The following LRRC4C variants were observed in gnomAD, a reference collection of about 807,000 sequenced individuals.
The protein encoded by LRRC4C is leucine rich repeat containing 4C, also known as leucine-rich repeat-containing protein 4C.
A neutral mutation model predicts 33.6 loss-of-function variants in LRRC4C; 5 were observed. That is an observed-to-expected ratio of 0.15 (90% CI 0.08 to 0.31). The LOEUF (loss-of-function observed/expected upper bound fraction) is 0.31, where lower values mean the gene tolerates loss of function less well. Among genes scored for constraint, LRRC4C ranks in the 10% least tolerant of loss-of-function variants. LRRC4C has a pLI of 1.00. For missense variants in LRRC4C, 560 were observed against 796.7 expected (o/e 0.70, Z 3.58); for synonymous variants, 329 against 302.0 (o/e 1.09, Z -0.93).
intron 3 of LRRC4C, among the ~76,000 whole-genome samples, chr11:40,413,177 T>A (rs1307281177): frequency 1.3e-5 from 2 of 152,062 alleles, no homozygotes; most frequent in Non-Finnish European, 2.9e-5. Flanking sequence ...GTTCATCAAG[T>A]GCTAAGCTGG....
intron 3 of LRRC4C, among the ~76,000 whole-genome samples, chr11:40,505,730 T>A (rs1955000767): frequency 6.6e-6 from 1 of 152,170 alleles, no homozygotes; most frequent in South Asian, 2.1e-4. Context: ...CTTTACTAGG[T>A]TTGGAGTAAG....
intron 2 of LRRC4C, among the ~76,000 whole-genome samples, chr11:40,754,163 T>C (rs1948829075): frequency 6.6e-6 from 1 of 152,076 alleles, no homozygotes; most frequent in African/African-American, 2.4e-5. Context: ...ATAATTTATG[T>C]ATTTTTCTCT....
intron 2 of LRRC4C, among the ~76,000 whole-genome samples, chr11:40,793,967 A>T (rs1384778394): frequency 6.6e-6 from 1 of 152,150 alleles, no homozygotes. Context: ...TTTCTCTATT[A>T]TCTTCATATA....
chr11:40,547,212 A>G (rs1262445041), intron 3 of LRRC4C, among the ~76,000 whole-genome samples: 2 of 152,112 alleles, frequency 1.3e-5, no homozygotes, highest in East Asian at 3.9e-4. Context: ...AACTGATGTT[A>G]TTTTGTCACT....
At position 40,131,251 on chromosome 11, in the gene LRRC4C, A is replaced by T. The variant is rs533361787; in HGVS notation, c.-43+9550T>A. 1.0e-3 allele frequency among the ~76,000 whole-genome samples: 155 copies of T among 152,312 alleles called. 1 individual carries two copies. The highest frequency in any genetic ancestry group is 3.5e-3 in the African/African-American group (146 of 41,570). ...TAAGACTTATATGTGAACCAAAAAGATAGAAAAGGTATAAAACTTAGTTTA... is the reference window on the plus strand; with the variant it reads ...TAAGACTTATATGTGAACCAAAAAGTTAGAAAAGGTATAAAACTTAGTTTA... On this transcript the variant is annotated intron_variant, in intron 6 of 6. Coordinates refer to ENST00000528697, the MANE Select transcript of LRRC4C (RefSeq NM_001258419.2).
intron 1 of LRRC4C, among the ~76,000 whole-genome samples, chr11:40,968,706 T>C (rs143296390): frequency 6.8e-4 from 103 of 152,262 alleles, no homozygotes; most frequent in African/African-American, 2.4e-3. Context: ...AGTACATCTG[T>C]TTACAGCATG....
intron 1 of LRRC4C, among the ~76,000 whole-genome samples, chr11:41,244,496 A>C (rs1318166070): frequency 6.6e-6 from 1 of 152,210 alleles, no homozygotes; most frequent in African/African-American, 2.4e-5. Context: ...GATAACACTG[A>C]TTGCTATTAA....
chr11:40,608,767 A>T (rs1002902612), intron 3 of LRRC4C, among the ~76,000 whole-genome samples: 3 of 152,188 alleles, frequency 2.0e-5, no homozygotes, highest in African/African-American at 7.2e-5. Flanking sequence ...AACCAAAAAA[A>T]TCATGGGTAG....
chr11:40,711,914 T>C (rs1946485258), intron 2 of LRRC4C, among the ~76,000 whole-genome samples: 1 of 152,204 alleles, frequency 6.6e-6, no homozygotes, highest in Non-Finnish European at 1.5e-5. Flanking sequence ...TTGCATTTCC[T>C]TTCTCCTGGG....
intron 1 of LRRC4C, among the ~76,000 whole-genome samples, chr11:40,952,136 T>C (rs576504589): frequency 1.3e-5 from 2 of 152,060 alleles, no homozygotes; most frequent in South Asian, 4.2e-4. Context: ...TGAACATTAT[T>C]ATTTTTATTT....
intron 2 of LRRC4C, among the ~76,000 whole-genome samples, chr11:40,859,303 A>G (rs913742784): frequency 6.6e-6 from 1 of 152,136 alleles, no homozygotes; most frequent in South Asian, 2.1e-4. Context: ...TTCTGAAAAA[A>G]GGAGATTATG....
At chr11:40,814,988 T>C (rs954623312) in intron 2 of LRRC4C, among the ~76,000 whole-genome samples, 7 of 152,180 alleles carry the variant, frequency 4.6e-5, no homozygotes, top group African/African-American at 1.7e-4. Flanking sequence ...CCTCTGCCTG[T>C]TACCCAGTTC....
At chr11:40,747,545 C>T (rs1229021307) in intron 2 of LRRC4C, among the ~76,000 whole-genome samples, 1 of 151,836 alleles carries the variant, frequency 6.6e-6, no homozygotes, top group Non-Finnish European at 1.5e-5. Context: ...TGATAATTCT[C>T]CAGCAACAGA....
chr11:41,291,691 C>A (rs531857216), intron 1 of LRRC4C, among the ~76,000 whole-genome samples: 1 of 152,184 alleles, frequency 6.6e-6, no homozygotes, highest in South Asian at 2.1e-4. Flanking sequence ...TGGCAAAGAG[C>A]ATTTCTAGAT....
At chr11:41,212,681 C>A (rs773710748) in intron 1 of LRRC4C, among the ~76,000 whole-genome samples, 2 of 152,324 alleles carry the variant, frequency 1.3e-5, no homozygotes, top group South Asian at 2.1e-4. Context: ...CCTGTCCCTG[C>A]AGTACTTTGC....
intron 1 of LRRC4C, among the ~76,000 whole-genome samples, chr11:41,235,720 G>A (rs1257214588): frequency 6.6e-6 from 1 of 152,010 alleles, no homozygotes; most frequent in Non-Finnish European, 1.5e-5. Flanking sequence ...CGGTATCACT[G>A]GAGTCTATAA....
At chr11:41,416,763 C>A (rs1196186968) in intron 1 of LRRC4C, among the ~76,000 whole-genome samples, 1 of 151,978 alleles carries the variant, frequency 6.6e-6, no homozygotes, top group Non-Finnish European at 1.5e-5. Flanking sequence ...ATTATAATAT[C>A]TACCTAACTA....
Position 40,795,807 on chromosome 11 carries a change from C to T in LRRC4C, c.-407+137828G>A, listed in dbSNP as rs144765715. On this transcript the variant is annotated intron_variant, in intron 2 of 6. Coordinates refer to ENST00000528697, the MANE Select transcript of LRRC4C (RefSeq NM_001258419.2). Reference sequence around the variant, plus strand: ...TTTGTGGATTATGAAAGACCAAGTTCTGTAATGTGTAAATTACAGAAGAAT... The same window carrying T: ...TTTGTGGATTATGAAAGACCAAGTTTTGTAATGTGTAAATTACAGAAGAAT... Among the ~76,000 whole-genome samples, 280 of 152,282 alleles carry T rather than the reference C, an allele frequency of 1.8e-3. 3 individuals are homozygous for T. The highest frequency in any genetic ancestry group is 6.2e-3 in the African/African-American group (258 of 41,562).
rs139057262 is a variant in LRRC4C at position 41,260,620 on chromosome 11, T to C, written c.-496+198811A>G. 7.5e-4 allele frequency among the ~76,000 whole-genome samples: 114 copies of C among 151,328 alleles called. No individual in the cohort carries two copies. The East Asian group carries it at 0.01, about 13-fold the overall frequency. On this transcript the variant is annotated intron_variant, in intron 1 of 6. Transcript: ENST00000528697. ...AGATGTATATATATGTGTACACACA[T>C]ATATATATATAAATAAAATAGTTTT...
Sources: gnomAD v4.1 joint callset for allele counts (sites outside exome capture counted in the v4.1 genomes callset) on GRCh38, gnomAD v4.1.1 for gene constraint, MANE v1.5 for transcripts, NCBI Gene and HGNC (gene_info 2026-07-23, HGNC 2026-07-21) for gene names.